The following PDE3B variants were observed in gnomAD, a reference collection of about 807,000 sequenced individuals.
PDE3B encodes the protein phosphodiesterase 3B.
Under a neutral mutation model 116.8 loss-of-function variants are expected in PDE3B, and 66 were observed. The ratio of observed to expected loss-of-function variants is 0.56; its 90% confidence interval spans 0.46 to 0.69. The LOEUF (loss-of-function observed/expected upper bound fraction) is 0.69. Among genes scored for constraint, PDE3B ranks in the 30% least tolerant of loss-of-function variants. PDE3B has a pLI of 0.00. For synonymous variants in PDE3B, 595 were observed against 533.6 expected (o/e 1.12, Z -1.59); for missense variants, 1,384 against 1,368.1 (o/e 1.01, Z -0.18).
chr11:14,846,479 A>G lies in PDE3B; in HGVS notation c.2520+2453A>G, dbSNP rs1384068197. ...ACATCATAATGACAGGATCAAATTC[A>G]CACATAACAATATTAACTTTAAATG... is the stretch of plus-strand genomic sequence containing the variant. On this transcript the variant is annotated intron_variant, in intron 12 of 15. Coordinates refer to ENST00000282096, the MANE Select transcript of PDE3B (RefSeq NM_000922.4). Among the ~76,000 whole-genome samples, 18 of 152,348 alleles carry G rather than the reference A, an allele frequency of 1.2e-4. No individual in the cohort carries two copies. The South Asian group carries it at 3.5e-3, about 30-fold the overall frequency.
intron 1 of PDE3B, among the ~76,000 whole-genome samples, chr11:14,660,680 A>G (rs1324367716): frequency 2.0e-5 from 3 of 152,086 alleles, no homozygotes; most frequent in Non-Finnish European, 4.4e-5. Context: ...TATGCCTTAC[A>G]TTAGTCTTTA....
chr11:14,644,151 A>G lies in PDE3B; in HGVS notation c.76A>G (p.Ser26Gly), dbSNP rs139611731. ...GGATGGGGCCGGCTCGCCCCCCGAG[A>G]GTCTGAGGAACGGCTACGTGAAGAG... The part of the protein sequence containing the change: ...PPDGAGSPPE[S>G]LRNGYVKSCV... Residue 26 changes from serine (S) to glycine (G), a missense_variant, in exon 1 of 16, where the codon AGT becomes GGT. Physicochemically the swap from Ser to Gly is moderately conservative, Grantham distance 56 (BLOSUM62 0). Transcript: ENST00000282096. 59 of 1,591,426 alleles carry G rather than the reference A, an allele frequency of 3.7e-5. No homozygotes were observed. The highest frequency in any genetic ancestry group is 5.4e-5 in the African/African-American group (4 of 73,702).
the PDE3B span, among the ~76,000 whole-genome samples, chr11:14,884,235 T>C: frequency 6.6e-6 from 1 of 151,932 alleles, no homozygotes; most frequent in Non-Finnish European, 1.5e-5. Context: ...TGCACACATA[T>C]GTTTATTGCG....
At chr11:14,890,022 G>A in the PDE3B span, among the ~76,000 whole-genome samples, 1 of 152,042 alleles carries the variant, frequency 6.6e-6, no homozygotes. Context: ...CCAGCTACTC[G>A]GGAGGCTGAG....
chr11:14,890,825 G>C, the PDE3B span: 1 of 978,266 alleles, frequency 1.0e-6, no homozygotes, highest in African/African-American at 1.8e-5. Flanking sequence ...TGGGATTATA[G>C]GCGTGAGCCA....
chr11:14,709,245 ACCC>A (rs2133826166), intron 1 of PDE3B, among the ~76,000 whole-genome samples: 1 of 152,254 alleles, frequency 6.6e-6, no homozygotes, highest in South Asian at 2.1e-4. Context: ...TTTAGTAGTT[ACCC>A]ATGTAAATGC....
At chr11:14,767,865 A>G (rs1857539286) in intron 1 of PDE3B, among the ~76,000 whole-genome samples, 1 of 151,318 alleles carries the variant, frequency 6.6e-6, no homozygotes, top group Admixed American at 6.6e-5. Context: ...ACAATTTCCT[A>G]GTTTAAAATT....
intron 1 of PDE3B, among the ~76,000 whole-genome samples, chr11:14,748,344 G>A (rs904438953): frequency 2.6e-5 from 4 of 152,128 alleles, no homozygotes; most frequent in African/African-American, 9.7e-5. Context: ...TGAAGAAGCA[G>A]CATTCATAAA....
intron 5 of PDE3B, among the ~76,000 whole-genome samples, chr11:14,804,353 A>G (rs1452546709): frequency 6.6e-6 from 1 of 152,066 alleles, no homozygotes; most frequent in East Asian, 1.9e-4. Flanking sequence ...AATCTTCAAG[A>G]AAGAGTATTT....
the PDE3B span, chr11:14,891,654 T>G: frequency 3.5e-6 from 4 of 1,157,254 alleles, no homozygotes; most frequent in Non-Finnish European, 4.3e-6. Flanking sequence ...ACCCTGGACC[T>G]GAAGTGGCGG....
chr11:14,806,874 A>G (rs946146544), intron 5 of PDE3B, among the ~76,000 whole-genome samples: 17 of 150,880 alleles, frequency 1.1e-4, no homozygotes, highest in Admixed American at 2.0e-4. Context: ...AAAAAAAAAA[A>G]AAAAAAGAAA....
At chr11:14,806,655 C>T (rs1002758552) in intron 5 of PDE3B, among the ~76,000 whole-genome samples, 2 of 151,094 alleles carry the variant, frequency 1.3e-5, no homozygotes, top group African/African-American at 2.4e-5. Context: ...GTCAGGAGAT[C>T]GAGACCATCC....
intron 1 of PDE3B, among the ~76,000 whole-genome samples, chr11:14,738,120 T>C (rs1271184750): frequency 2.6e-5 from 4 of 152,208 alleles, no homozygotes; most frequent in Non-Finnish European, 5.9e-5. Flanking sequence ...TTATAGTCCT[T>C]TGGGTATATA....
At chr11:14,806,872 A>G (rs148619344) in intron 5 of PDE3B, among the ~76,000 whole-genome samples, 4,458 of 148,886 alleles carry the variant, frequency 0.03, 111 homozygotes, top group Non-Finnish European at 0.051. Flanking sequence ...AAAAAAAAAA[A>G]AAAAAAAAGA....
chr11:14,654,787 T>TACAC (rs59557281), intron 1 of PDE3B, among the ~76,000 whole-genome samples: 5,939 of 142,008 alleles, frequency 0.042, 130 homozygotes, highest in East Asian at 0.11. Flanking sequence ...AGCAGCTGTC[T>TACAC]ACACACACAC....
intron 1 of PDE3B, among the ~76,000 whole-genome samples, chr11:14,756,637 C>T (rs1396999282): frequency 2.0e-5 from 3 of 152,010 alleles, no homozygotes; most frequent in South Asian, 2.1e-4. Flanking sequence ...AGGAAAACTG[C>T]GAGTTAGAGA....
intron 5 of PDE3B, among the ~76,000 whole-genome samples, chr11:14,810,307 T>A (rs1420467634): frequency 1.8e-5 from 2 of 112,550 alleles, no homozygotes; most frequent in Non-Finnish European, 3.6e-5. Context: ...CCCAATGCTA[T>A]CCCTCCCCCC....
At chr11:14,782,115 C>T (rs895222763) in intron 2 of PDE3B, among the ~76,000 whole-genome samples, 5 of 152,106 alleles carry the variant, frequency 3.3e-5, no homozygotes, top group Non-Finnish European at 7.3e-5. Context: ...TGTGAAGGAC[C>T]TCTTCAAGGA....
the PDE3B span, among the ~76,000 whole-genome samples, chr11:14,892,414 T>C: frequency 6.6e-6 from 1 of 152,196 alleles, no homozygotes; most frequent in Non-Finnish European, 1.5e-5. Flanking sequence ...GGGTGGCCGG[T>C]GCTACCCTTT....
Sources: allele counts gnomAD v4.1 joint callset (sites outside exome capture counted in the v4.1 genomes callset), GRCh38; gene constraint gnomAD v4.1.1; transcripts MANE v1.5; gene names NCBI Gene and HGNC (gene_info 2026-07-23, HGNC 2026-07-21).